The following UNC13A variants were observed in gnomAD, a reference collection of about 807,000 sequenced individuals.
UNC13A encodes protein unc-13 homolog A.
Under a neutral mutation model 219.7 loss-of-function variants are expected in UNC13A, and 61 were observed. The ratio of observed to expected loss-of-function variants is 0.28; its 90% CI spans 0.23 to 0.34. The LOEUF is 0.34. Ranked by LOEUF, UNC13A falls within the 10% of genes least tolerant of loss-of-function variation. The probability of loss-of-function intolerance (pLI) is 1.00; values close to 1 mark genes in which losing one functional copy is unlikely to be tolerated. For missense variants in UNC13A, 1,476 were observed against 2,270.3 expected (o/e 0.65, Z 7.11); for synonymous variants, 920 against 884.6 (o/e 1.04, Z -0.71).
chr19:17,611,057 A>G (rs972113968), intron 42 of UNC13A, among the ~76,000 whole-genome samples: 1 of 152,124 alleles, frequency 6.6e-6, no homozygotes, highest in Non-Finnish European at 1.5e-5. Context: ...CAACAACAAC[A>G]ACACATTAGG....
At chr19:17,656,600 C>T (rs1034204091) in intron 9 of UNC13A, among the ~76,000 whole-genome samples, 1 of 152,206 alleles carries the variant, frequency 6.6e-6, no homozygotes, top group Middle Eastern at 3.4e-3. Flanking sequence ...GCCTGTAATC[C>T]CAGCACTTTG....
intron 38 of UNC13A, 49 bp downstream of exon 38, chr19:17,620,644 G>A (rs548410510): frequency 1.9e-5 from 30 of 1,568,292 alleles, no homozygotes; most frequent in African/African-American, 8.1e-5. Context: ...GGGGTGGGGT[G>A]GGGGGGAGTG....
rs1217322475 is a variant in UNC13A, at chr19:17,674,017, A to G, written c.152+640T>C. ...CAGAGTGAGGCTCTGCCTCAAAACA[A>G]ACAAACAAACAAACAAAATTGGTGG... is the stretch of plus-strand genomic sequence containing the variant. On this transcript the variant is annotated intron_variant, in intron 3 of 43. Coordinates refer to ENST00000519716, the MANE Select transcript of UNC13A (RefSeq NM_001080421.3). This position sits in a 1 kb window ranked among gnomAD's most constrained non-coding sequence, Gnocchi z 5.0. 6.6e-6 allele frequency among the ~76,000 whole-genome samples: 1 copy of G among 152,268 alleles called. No individual in the cohort carries two copies. Among genetic ancestry groups the G allele is most frequent in the Non-Finnish European group, 1.5e-5 (1 of 68,044 alleles).
At chr19:17,631,147 CTTG>C (rs2076842733) in intron 28 of UNC13A, among the ~76,000 whole-genome samples, 1 of 112,582 alleles carries the variant, frequency 8.9e-6, no homozygotes. Context: ...TCTCTGAGCT[CTTG>C]TTTTCTCCCT....
intron 11 of UNC13A, among the ~76,000 whole-genome samples, chr19:17,653,671 C>A (rs958331318): frequency 1.3e-5 from 2 of 150,858 alleles, no homozygotes; most frequent in African/African-American, 4.9e-5. Context: ...TTATTTTTTT[C>A]TTTTAGAGAT....
chr19:17,640,021 T>C (rs2076951581), intron 22 of UNC13A, 113 bp from the exon 23 acceptor site: 1 of 1,073,378 alleles, frequency 9.3e-7, no homozygotes, highest in Non-Finnish European at 1.4e-6. Context: ...ATAATGTCCA[T>C]TTCCATTCTA....
Position 17,631,382 on chromosome 19 carries a change from G to A in UNC13A, c.3429-632C>T, listed in dbSNP as rs148827972. Among the ~76,000 whole-genome samples, 922 of 151,282 alleles carry A rather than the reference G, an allele frequency of 6.1e-3. 15 individuals carry two copies. Among genetic ancestry groups the A allele is most frequent in the African/African-American group, 0.021 (847 of 41,286 alleles). On this transcript the variant is annotated intron_variant, in intron 28 of 43. Coordinates refer to ENST00000519716, the MANE Select transcript of UNC13A (RefSeq NM_001080421.3). ...ACTACAGGCACATGCCACCATGCCC[G>A]GCTAATTTTTTTTTTTGTCTTCTTT... is the stretch of plus-strand genomic sequence containing the variant.
chr19:17,675,725 C>T (rs981574426), intron 2 of UNC13A, among the ~76,000 whole-genome samples: 2 of 152,142 alleles, frequency 1.3e-5, no homozygotes, highest in African/African-American at 4.8e-5. Flanking sequence ...CTAAGAGTCC[C>T]CATTCTACCT....
chr19:17,639,237 C>T lies in UNC13A; in HGVS notation c.2947-20G>A. On this transcript the variant is annotated intron_variant, in intron 24 of 43. Transcript: ENST00000519716. ...TTGTACCTGAAGGGAGGGAGAGAGG[C>T]ATAGGCGGCCACAGCTGTGACAGGA... 6.2e-7 allele frequency: 1 copy of T among 1,613,218 alleles called. No homozygotes were observed. Among genetic ancestry groups the T allele is most frequent in the Non-Finnish European group, 8.5e-7 (1 of 1,179,558 alleles).
intron 11 of UNC13A, among the ~76,000 whole-genome samples, chr19:17,653,730 T>A (rs1250841140): frequency 6.6e-6 from 1 of 151,858 alleles, no homozygotes; most frequent in East Asian, 1.9e-4. Context: ...TGAGTGCAAG[T>A]GAGCCTCCCG....
chr19:17,614,828 C>G (rs185820808), intron 41 of UNC13A, among the ~76,000 whole-genome samples: 1 of 152,160 alleles, frequency 6.6e-6, no homozygotes, highest in Non-Finnish European at 1.5e-5. Context: ...TCAGCCGCCC[C>G]GCCCTCCCCC....
At chr19:17,621,716 T>C in intron 37 of UNC13A, 116 bp downstream of exon 37, 2 of 1,035,986 alleles carry the variant, frequency 1.9e-6, no homozygotes, top group Non-Finnish European at 3.0e-6. Context: ...AGGAGAGCTA[T>C]CTCCTACCCA....
In UNC13A at chr19:17,688,266, C is replaced by T. The variant is rs2080153814; in HGVS notation, c.-67G>A. On this transcript the variant is annotated 5_prime_UTR_variant, in exon 1 of 44. Transcript: ENST00000519716. The stretch of plus-strand genomic sequence containing the variant: ...TCTGTCGGGTCGGGCTCAGCGGCCG[C>T]TGGGCTGGGGCATCTCCCGGCTGCA... 1 of 1,403,544 alleles carries T rather than the reference C, an allele frequency of 7.1e-7. No individual in the cohort carries two copies. The highest frequency in any genetic ancestry group is 9.3e-7 in the Non-Finnish European group (1 of 1,079,434). 86.9% of individuals were successfully genotyped at this position (1,403,544 alleles called of 1,614,324 possible).
chr19:17,625,725 C>G (rs1010658955), intron 34 of UNC13A, among the ~76,000 whole-genome samples: 1 of 151,666 alleles, frequency 6.6e-6, no homozygotes, highest in African/African-American at 2.4e-5. Flanking sequence ...CTCATCCACC[C>G]ACCCCCCCAT....
At chr19:17,639,669 A>G in intron 23 of UNC13A, 144 bp from the exon 24 acceptor site, 1 of 1,141,978 alleles carries the variant, frequency 8.8e-7, no homozygotes, top group Non-Finnish European at 1.3e-6. Flanking sequence ...ATCTGCTTGG[A>G]TGCACCAAGC....
At chr19:17,658,332 A>G (rs2079497579) in intron 8 of UNC13A, 63 bp from the exon 9 acceptor site, 1 of 1,502,698 alleles carries the variant, frequency 6.7e-7, no homozygotes, top group Non-Finnish European at 9.1e-7. Context: ...ATGGGAGCCA[A>G]TACAATTTCC....
intron 6 of UNC13A, 44 bp downstream of exon 6, chr19:17,668,073 A>G (rs2079694665): frequency 6.3e-7 from 1 of 1,589,816 alleles, no homozygotes; most frequent in African/African-American, 1.3e-5. Context: ...GGAGACAGAG[A>G]CAGAAACAAG....
chr19:17,634,076 C>T lies in UNC13A; in HGVS notation c.3216-883G>A, dbSNP rs957867920. On this transcript the variant is annotated intron_variant, in intron 26 of 43. Transcript: ENST00000519716. ...ACCTGTTCATCCATCTATCCCTCCA[C>T]CCATTCATCCAACTGTCCATCCAGC... Among the ~76,000 whole-genome samples, 23 of 152,242 alleles carry T rather than the reference C, an allele frequency of 1.5e-4. No individual in the cohort carries two copies. In the Middle Eastern group the frequency reaches 0.014, roughly 90 times the overall value.
chr19:17,672,283 G>C lies in UNC13A; in HGVS notation c.270+95C>G, dbSNP rs1225909437. 9 of 958,320 alleles carry C rather than the reference G, an allele frequency of 9.4e-6. No homozygotes were observed. The Admixed American group carries it at 1.9e-4, about 20-fold the overall frequency. The allele number at this position is 958,320 out of a possible 1,614,324, so 59.4% of individuals were successfully genotyped here. A position where few individuals can be genotyped will look rare whatever the true frequency, so the allele number is the denominator to read the frequency against. On this transcript the variant is annotated intron_variant, in intron 4 of 43. Coordinates refer to ENST00000519716, the MANE Select transcript of UNC13A (RefSeq NM_001080421.3). ...AGTGTCTACATTGATGTTGTCAGGGGATAGGAGATAAATGCCCATCTTGTT... is the reference window on the plus strand; with the variant it reads ...AGTGTCTACATTGATGTTGTCAGGGCATAGGAGATAAATGCCCATCTTGTT...
Sources: gnomAD v4.1 joint callset for allele counts (sites outside exome capture counted in the v4.1 genomes callset) on GRCh38, gnomAD v4.1.1 for gene constraint, Gnocchi (gnomAD v3.1) non-coding constraint, MANE v1.5 for transcripts, NCBI Gene and HGNC (gene_info 2026-07-23, HGNC 2026-07-21) for gene names.